FAM135B: variants seen among roughly 807,000 people sequenced by gnomAD.
FAM135B encodes the protein family with sequence similarity 135 member B.
FAM135B carries 43 observed loss-of-function variants against 127.7 expected under a neutral mutation model. The observed-to-expected ratio is 0.34, with a 90% CI of 0.26 to 0.43. FAM135B has a LOEUF of 0.43. FAM135B is among the 20% of genes least tolerant of loss of function. FAM135B has a pLI of 1.00. For missense variants in FAM135B, 1,558 were observed against 1,725.6 expected (o/e 0.90, Z 1.72); for synonymous variants, 670 against 665.1 (o/e 1.01, Z -0.11).
chr8:138,431,843 A>G lies in FAM135B; in HGVS notation c.-19-63841T>C, dbSNP rs900784150. Among the ~76,000 whole-genome samples, 3 of 152,278 alleles carry G rather than the reference A, an allele frequency of 2.0e-5. No homozygotes were observed. The South Asian group carries it at 6.2e-4, about 32-fold the overall frequency. On this transcript the variant is annotated intron_variant, in intron 1 of 19. Coordinates refer to ENST00000395297, the MANE Select transcript of FAM135B (RefSeq NM_015912.4). ...GCAAGATGGAATACAGATACTCCAG[A>G]CTCAGATTGACAGAGAGTCAAGAAG...
At chr8:138,440,576 C>G (rs1037728524) in intron 1 of FAM135B, 2 of 152,082 alleles carry the variant, frequency 1.3e-5, no homozygotes, top group Non-Finnish European at 2.9e-5. Flanking sequence ...AAATCATCAT[C>G]ATTGCTATCA....
Position 138,310,875 on chromosome 8 carries a change from G to C in FAM135B, c.123C>G (p.Pro41=), listed in dbSNP as rs1474729061. ...RVTLKVSSRI[P]HRLSASIAGQ... ...CAGCGATGGAGGCACTCAGTCTGTGGGGGATCCTTGAAGACACCTTCAAGG... is the reference window on the plus strand; with the variant it reads ...CAGCGATGGAGGCACTCAGTCTGTGCGGGATCCTTGAAGACACCTTCAAGG... The change falls in exon 3 of 20, where the codon CCC becomes CCG. Residue 41 remains proline, a synonymous_variant. Coordinates refer to ENST00000395297, the MANE Select transcript of FAM135B (RefSeq NM_015912.4). 1 of 1,613,876 alleles carries C rather than the reference G, an allele frequency of 6.2e-7. No homozygotes were observed. The highest frequency in any genetic ancestry group is 1.1e-5 in the South Asian group (1 of 90,950).
chr8:138,162,631 TA>T (rs2130863384), intron 12 of FAM135B, among the ~76,000 whole-genome samples: 1 of 152,180 alleles, frequency 6.6e-6, no homozygotes, highest in African/African-American at 2.4e-5. Context: ...AAAAAGTCTT[TA>T]AAAAATGAAA....
intron 4 of FAM135B, among the ~76,000 whole-genome samples, chr8:138,259,312 G>T (rs1822363470): frequency 6.6e-6 from 1 of 152,098 alleles, no homozygotes; most frequent in Non-Finnish European, 1.5e-5. Flanking sequence ...TGGCTAAGAG[G>T]GCAGCTTCTG....
At position 138,426,066 on chromosome 8, in the gene FAM135B, C is replaced by CACAT. The variant is rs1249933312; in HGVS notation, c.-19-58065_-19-58064insATGT. ...ACACACACACATATATATATACACACACACACATATATAAAATGTTTTATG... is the reference window on the plus strand; with the variant it reads ...ACACACACACATATATATATACACACACATACACACATATATAAAATGTTTTATG... On this transcript the variant is annotated intron_variant, in intron 1 of 19. Transcript: ENST00000395297. Among the ~76,000 whole-genome samples, 22 of 88,064 alleles carry CACAT rather than the reference C, an allele frequency of 2.5e-4. 3 individuals are homozygous for CACAT. The highest frequency in any genetic ancestry group is 1.4e-3 in the African/African-American group (21 of 14,784). The allele number at this position is 88,064 out of a possible 152,430, so 57.8% of individuals were successfully genotyped here.
At chr8:138,138,241 A>T (rs1441653213) in intron 18 of FAM135B, among the ~76,000 whole-genome samples, 1 of 152,200 alleles carries the variant, frequency 6.6e-6, no homozygotes, top group Non-Finnish European at 1.5e-5. Context: ...CAACACACAG[A>T]GGCAGAAAGT....
intron 7 of FAM135B, among the ~76,000 whole-genome samples, chr8:138,212,389 C>A (rs1262234070): frequency 1.3e-5 from 2 of 152,116 alleles, no homozygotes; most frequent in East Asian, 3.9e-4. Context: ...CCCGCTTTTC[C>A]CTGCTCTGAA....
chr8:138,367,880 C>A, intron 2 of FAM135B, 27 bp downstream of exon 2: 1 of 1,524,640 alleles, frequency 6.6e-7, no homozygotes. Context: ...CACACACACA[C>A]ACACACAAAT....
intron 1 of FAM135B, among the ~76,000 whole-genome samples, chr8:138,490,019 T>A (rs1315741915): frequency 6.6e-6 from 1 of 152,220 alleles, no homozygotes; most frequent in Non-Finnish European, 1.5e-5. Context: ...TTAGAAGTTA[T>A]AAACTTCTTA....
chr8:138,226,075 T>A (rs2130123545), intron 7 of FAM135B, among the ~76,000 whole-genome samples: 1 of 151,970 alleles, frequency 6.6e-6, no homozygotes. Flanking sequence ...TTATCTTATA[T>A]AACAAGTCAT....
chr8:138,255,850 C>T (rs1451021269), intron 5 of FAM135B, among the ~76,000 whole-genome samples: 1 of 152,142 alleles, frequency 6.6e-6, no homozygotes, highest in Non-Finnish European at 1.5e-5. Context: ...TGAACCCCTA[C>T]CCTTTCCTCC....
intron 1 of FAM135B, among the ~76,000 whole-genome samples, chr8:138,387,960 A>C (rs150059061): frequency 6.6e-6 from 1 of 152,216 alleles, no homozygotes; most frequent in Admixed American, 6.6e-5. Context: ...TAATAAAATT[A>C]AAGTTCTCCT....
At chr8:138,300,744 C>CTTTT (rs34292545) in intron 3 of FAM135B, among the ~76,000 whole-genome samples, 45 of 100,482 alleles carry the variant, frequency 4.5e-4, no homozygotes, top group Non-Finnish European at 6.0e-4. Context: ...ATTTTATCCA[C>CTTTT]TTTTTTTTTT....
chr8:138,330,253 G>C lies in FAM135B; in HGVS notation c.78-19333C>G, dbSNP rs1195795854. Reference sequence around the variant, plus strand: ...GTGTCGTGAGTTCAAAGTTGTGGCTGCTGCTTTATGTGGTTCAGGGCAATG... The same window carrying C: ...GTGTCGTGAGTTCAAAGTTGTGGCTCCTGCTTTATGTGGTTCAGGGCAATG... On this transcript the variant is annotated intron_variant, in intron 2 of 19. Transcript: ENST00000395297. 2.0e-5 allele frequency among the ~76,000 whole-genome samples: 3 copies of C among 152,288 alleles called. No homozygotes were observed. In the East Asian group the frequency reaches 5.8e-4, roughly 29 times the overall value.
At chr8:138,381,282 T>C (rs1338399933) in intron 1 of FAM135B, among the ~76,000 whole-genome samples, 2 of 152,152 alleles carry the variant, frequency 1.3e-5, no homozygotes, top group African/African-American at 4.8e-5. Context: ...CCTCTAAATA[T>C]GGTTTTATTA....
rs1293374683 is a variant in FAM135B at position 138,178,696 on chromosome 8, G to T, written c.874-6C>A. 1 of 1,599,848 alleles carries T rather than the reference G, an allele frequency of 6.3e-7. No homozygotes were observed. Among genetic ancestry groups the T allele is most frequent in the East Asian group, 2.2e-5 (1 of 44,522 alleles). On this transcript the variant is annotated splice_polypyrimidine_tract_variant and splice_region_variant and intron_variant, in intron 9 of 19. Coordinates refer to ENST00000395297, the MANE Select transcript of FAM135B (RefSeq NM_015912.4). Reference sequence around the variant, plus strand: ...TTCTCTGGATTGTTCAACATCTGGAGAGGCAAAAAAGGTGGTATTCAAGGC... The same window carrying T: ...TTCTCTGGATTGTTCAACATCTGGATAGGCAAAAAAGGTGGTATTCAAGGC...
rs767926989 is a variant in FAM135B at position 138,151,771 on chromosome 8, C to T, written c.2704G>A (p.Glu902Lys). The T allele has an allele frequency of 2.5e-6, 4 of 1,614,130 alleles. No individual in the cohort carries two copies. In the South Asian group the frequency reaches 3.3e-5, roughly 13 times the overall value. The part of the protein sequence containing the change: ...RTRSLHRALE[E>K]TPKGMPKDLN... Reference sequence around the variant, plus strand: ...TCTTTAGGCATGCCCTTTGGGGTTTCCTCAAGTGCTCTATGAAGAGATCTG... The same window carrying T: ...TCTTTAGGCATGCCCTTTGGGGTTTTCTCAAGTGCTCTATGAAGAGATCTG... Residue 902 changes from glutamate to lysine, a missense_variant, in exon 13 of 20, where the codon GAA becomes AAA. Physicochemically the swap from Glu to Lys is moderately conservative, Grantham distance 56. Around this residue, in one of 5 missense-constraint regions of FAM135B, gnomAD observed 923 missense variants for 865.3 expected, o/e 1.07. Coordinates refer to ENST00000395297, the MANE Select transcript of FAM135B (RefSeq NM_015912.4).
chr8:138,393,577 T>G (rs1281561391), intron 1 of FAM135B, among the ~76,000 whole-genome samples: 1 of 152,134 alleles, frequency 6.6e-6, no homozygotes, highest in Non-Finnish European at 1.5e-5. Flanking sequence ...TACAGATGCA[T>G]GAACAGAAAA....
chr8:138,406,397 T>C (rs4440639), intron 1 of FAM135B, among the ~76,000 whole-genome samples: 3,453 of 151,916 alleles, frequency 0.023, 119 homozygotes, highest in African/African-American at 0.075. Flanking sequence ...GAATCCTCCC[T>C]AACTTATTTT....
Sources: gnomAD v4.1 joint callset for allele counts (sites outside exome capture counted in the v4.1 genomes callset) on GRCh38, gnomAD v4.1.1 for gene constraint, gnomAD v4.1.1 regional missense constraint, MANE v1.5 for transcripts, NCBI Gene and HGNC (gene_info 2026-07-23, HGNC 2026-07-21) for gene names.